Variants in LRRC4C observed in about 807,000 individuals in gnomAD.
LRRC4C encodes leucine rich repeat containing 4C.
Under a neutral mutation model 33.6 loss-of-function variants are expected in LRRC4C, and 5 were observed. The observed-to-expected ratio is 0.15, with a 90% CI of 0.08 to 0.31. The LOEUF (loss-of-function observed/expected upper bound fraction) is 0.31. LRRC4C is among the 10% of genes least tolerant of loss of function. The probability of loss-of-function intolerance (pLI) is 1.00; values close to 1 mark genes in which losing one functional copy is unlikely to be tolerated. For missense variants in LRRC4C, 560 were observed against 796.7 expected, an observed-to-expected ratio of 0.70 and a Z score of 3.58; for synonymous variants, 329 against 302.0, an observed-to-expected ratio of 1.09 and a Z score of -0.93.
At chr11:40,289,010 A>C (rs1565234560) in intron 4 of LRRC4C, among the ~76,000 whole-genome samples, 1 of 152,246 alleles carries the variant, frequency 6.6e-6, no homozygotes, top group East Asian at 1.9e-4. Context: ...ATTTTTGCTG[A>C]GATTTATTTT....
chr11:41,105,177 T>C (rs1941423012), intron 1 of LRRC4C, among the ~76,000 whole-genome samples: 1 of 152,016 alleles, frequency 6.6e-6, no homozygotes, highest in African/African-American at 2.4e-5. Context: ...TTCCCCCATA[T>C]ATTGGTTTTG....
chr11:41,028,393 T>C (rs1856516411), intron 1 of LRRC4C, among the ~76,000 whole-genome samples: 2 of 151,692 alleles, frequency 1.3e-5, no homozygotes, highest in Non-Finnish European at 3.0e-5. Flanking sequence ...TCTGCAAATG[T>C]ATACTCTCTC....
At chr11:40,240,070 G>A (rs1292192657) in intron 5 of LRRC4C, among the ~76,000 whole-genome samples, 1 of 152,078 alleles carries the variant, frequency 6.6e-6, no homozygotes, top group Admixed American at 6.6e-5. Flanking sequence ...CGTGGATACT[G>A]GATATTCTGG....
intron 3 of LRRC4C, among the ~76,000 whole-genome samples, chr11:40,584,177 C>CAT (rs371413523): frequency 0.28 from 20,208 of 71,116 alleles, 4,175 homozygotes; most frequent in South Asian, 0.39. Flanking sequence ...ACGCACACTT[C>CAT]ATATATATAT....
At chr11:40,695,408 A>G (rs1945447281) in intron 2 of LRRC4C, among the ~76,000 whole-genome samples, 1 of 152,190 alleles carries the variant, frequency 6.6e-6, no homozygotes, top group South Asian at 2.1e-4. Context: ...GATTGCTAAT[A>G]TGTCACTAGC....
chr11:40,642,021 CTTT>C (rs35297791), intron 3 of LRRC4C, among the ~76,000 whole-genome samples: 1 of 140,234 alleles, frequency 7.1e-6, no homozygotes, highest in Non-Finnish European at 1.5e-5. Context: ...CCACAGGCTG[CTTT>C]TTTTTTTTTT....
intron 1 of LRRC4C, among the ~76,000 whole-genome samples, chr11:40,960,942 T>C (rs1379706946): frequency 2.0e-5 from 3 of 151,642 alleles, no homozygotes; most frequent in Non-Finnish European, 4.4e-5. Context: ...GCTTTTTATT[T>C]TCCTGCCTAA....
intron 1 of LRRC4C, among the ~76,000 whole-genome samples, chr11:41,342,200 C>T (rs1244328397): frequency 2.0e-5 from 3 of 152,206 alleles, no homozygotes; most frequent in Admixed American, 2.0e-4. Flanking sequence ...TATTACACAA[C>T]TATACACTCT....
intron 3 of LRRC4C, among the ~76,000 whole-genome samples, chr11:40,603,619 T>A (rs1166975425): frequency 6.6e-6 from 1 of 152,166 alleles, no homozygotes; most frequent in African/African-American, 2.4e-5. Flanking sequence ...TTCTCCGGAA[T>A]ATGGTGAAAA....
At chr11:40,667,324 T>G (rs1259968817) in intron 2 of LRRC4C, among the ~76,000 whole-genome samples, 14 of 152,182 alleles carry the variant, frequency 9.2e-5, no homozygotes, top group Non-Finnish European at 1.5e-5. Context: ...TCCTTTTACT[T>G]TTGCTTTCTC....
rs1954806282 is a variant in LRRC4C at position 40,502,128 on chromosome 11, A to C, written c.-270+146014T>G. On this transcript the variant is annotated intron_variant, in intron 3 of 6. Coordinates refer to ENST00000528697, the MANE Select transcript of LRRC4C (RefSeq NM_001258419.2). ...TGCTCTAGTTCCCAACTAGTTCCTC[A>C]TCTCCATCTGAGACCACCTCATCCT... 2.0e-5 allele frequency among the ~76,000 whole-genome samples: 3 copies of C among 152,044 alleles called. 1 individual carries two copies. The highest frequency in any genetic ancestry group is 2.0e-4 in the Admixed American group (3 of 15,276).
At chr11:40,693,627 G>A (rs1945332584) in intron 2 of LRRC4C, among the ~76,000 whole-genome samples, 2 of 152,044 alleles carry the variant, frequency 1.3e-5, no homozygotes, top group African/African-American at 4.8e-5. Flanking sequence ...GGAGAGAGGT[G>A]AGCCAGATAA....
At chr11:40,329,367 G>T (rs368115758) in intron 3 of LRRC4C, among the ~76,000 whole-genome samples, 1 of 152,162 alleles carries the variant, frequency 6.6e-6, no homozygotes, top group Admixed American at 6.5e-5. Flanking sequence ...ACAAGTTGAG[G>T]GGAGCAACGG....
At chr11:40,165,523 G>T (rs10837356) in intron 5 of LRRC4C, among the ~76,000 whole-genome samples, 6 of 151,958 alleles carry the variant, frequency 3.9e-5, no homozygotes, top group Admixed American at 3.9e-4. Flanking sequence ...GAAAAACAAC[G>T]ACAAAAAATC....
At chr11:40,538,080 T>C (rs1373783058) in intron 3 of LRRC4C, among the ~76,000 whole-genome samples, 4 of 152,122 alleles carry the variant, frequency 2.6e-5, no homozygotes, top group Non-Finnish European at 5.9e-5. Context: ...ATTGGAAGCA[T>C]AGGGGGAGTT....
rs73477463 is a variant in LRRC4C, at chr11:41,188,257, C to T, written c.-495-254534G>A. Among the ~76,000 whole-genome samples the T allele has an allele frequency of 1.3e-3, 199 of 152,222 alleles. 1 individual carries two copies. The highest frequency in any genetic ancestry group is 4.4e-3 in the African/African-American group (183 of 41,524). ...CAATTGGGGAAAGCAAGAATTCCCA[C>T]GTTTACAGTTTACCTGCAGTTAAGC... On this transcript the variant is annotated intron_variant, in intron 1 of 6. Coordinates refer to ENST00000528697, the MANE Select transcript of LRRC4C (RefSeq NM_001258419.2).
intron 2 of LRRC4C, among the ~76,000 whole-genome samples, chr11:40,741,137 C>T (rs573612669): frequency 4.9e-4 from 75 of 151,908 alleles, no homozygotes; most frequent in Non-Finnish European, 9.9e-4. Context: ...GAAAAAAAGC[C>T]CTAATAGGTT....
chr11:40,587,201 A>T (rs1272920123), intron 3 of LRRC4C, among the ~76,000 whole-genome samples: 1 of 151,474 alleles, frequency 6.6e-6, no homozygotes, highest in Non-Finnish European at 1.5e-5. Context: ...TTCCCTTGTA[A>T]GTTGGATTCC....
At chr11:40,860,762 T>C (rs969551107) in intron 2 of LRRC4C, among the ~76,000 whole-genome samples, 2 of 143,050 alleles carry the variant, frequency 1.4e-5, no homozygotes, top group Non-Finnish European at 3.0e-5. Context: ...ATTCTGATGT[T>C]CCAGGGCTTA....
Sources: allele counts gnomAD v4.1 joint callset (sites outside exome capture counted in the v4.1 genomes callset), GRCh38; gene constraint gnomAD v4.1.1; transcripts MANE v1.5; gene names NCBI Gene and HGNC (gene_info 2026-07-23, HGNC 2026-07-21).